SVIL: variants seen among roughly 807,000 people sequenced by gnomAD.
SVIL encodes supervillin.
A neutral mutation model predicts 240.4 loss-of-function variants in SVIL; 101 were observed. That is an observed-to-expected ratio of 0.42 (90% CI 0.36 to 0.50). SVIL has a LOEUF of 0.50. Among genes scored for constraint, SVIL ranks in the 20% least tolerant of loss-of-function variants. The pLI is 0.01. For synonymous variants in SVIL, 999 were observed against 1,100.0 expected (o/e 0.91, Z 1.82); for missense variants, 2,512 against 2,818.7 (o/e 0.89, Z 2.46).
chr10:29,522,633 C>A lies in SVIL; in HGVS notation c.3166G>T (p.Ala1056Ser). 1 of 1,613,614 alleles carries A rather than the reference C, an allele frequency of 6.2e-7. No individual in the cohort carries two copies. Among genetic ancestry groups the A allele is most frequent in the South Asian group, 1.1e-5 (1 of 90,958 alleles). Residue 1056 changes from alanine (A) to serine (S), a missense_variant and splice_region_variant, in exon 16 of 38, where the codon GCA becomes TCA. By Grantham distance (99) the Ala-to-Ser change is moderately conservative (BLOSUM62 1). Coordinates refer to ENST00000355867, the MANE Select transcript of SVIL (RefSeq NM_021738.3). ...TCGGAAGTGGGCTCCCCGAACTCTGCCGCTGGGAAGGAAAAGAGCAACATC... is the reference window on the plus strand; with the variant it reads ...TCGGAAGTGGGCTCCCCGAACTCTGACGCTGGGAAGGAAAAGAGCAACATC... ...VMKRKFSLRA[A>S]EFGEPTSEQT...
chr10:29,585,819 G>A (rs537826972), intron 1 of SVIL, among the ~76,000 whole-genome samples: 3 of 152,358 alleles, frequency 2.0e-5, no homozygotes, highest in Admixed American at 6.5e-5. Flanking sequence ...CGCGGTTCGC[G>A]TCTGTCTTCC....
At chr10:29,532,238 A>T in intron 8 of SVIL, 66 bp from the exon 9 acceptor site, 1 of 1,559,370 alleles carries the variant, frequency 6.4e-7, no homozygotes, top group South Asian at 1.2e-5. Flanking sequence ...GAAGATGGCA[A>T]AGGATTATGC....
chr10:29,708,275 A>T (rs1963043891), intron 1 of SVIL, among the ~76,000 whole-genome samples: 1 of 150,456 alleles, frequency 6.6e-6, no homozygotes, highest in South Asian at 2.1e-4. Context: ...AAAAAAAAAA[A>T]AAAAATGTAC....
At chr10:29,604,731 A>G (rs1379047152) in intron 1 of SVIL, among the ~76,000 whole-genome samples, 2 of 151,378 alleles carry the variant, frequency 1.3e-5, no homozygotes, top group Non-Finnish European at 2.9e-5. Flanking sequence ...TGCCCAGCTA[A>G]TCTTTTAAAA....
intron 2 of SVIL, among the ~76,000 whole-genome samples, chr10:29,685,304 C>G (rs775936870): frequency 4.6e-5 from 7 of 152,194 alleles, no homozygotes; most frequent in Admixed American, 1.3e-4. Context: ...ACCACATGTT[C>G]TTTATCTAGT....
chr10:29,542,053 G>A (rs978299561), intron 6 of SVIL, among the ~76,000 whole-genome samples: 2 of 152,142 alleles, frequency 1.3e-5, no homozygotes, highest in Non-Finnish European at 2.9e-5. Flanking sequence ...TAACAACATC[G>A]CTAAGCCTGC....
At chr10:29,537,320 T>C (rs918940204) in intron 6 of SVIL, among the ~76,000 whole-genome samples, 7 of 152,284 alleles carry the variant, frequency 4.6e-5, no homozygotes, top group Admixed American at 6.5e-5. Context: ...TAAATCAACA[T>C]AGCCATTAAA....
rs759067589 is a variant in SVIL, at chr10:29,495,115, G to A, written c.3731C>T (p.Thr1244Ile). The change falls in exon 19 of 38, where the codon ACA (threonine) becomes ATA (isoleucine). Residue 1244 changes from threonine to isoleucine, a missense_variant. Transcript: ENST00000355867. ...ACCTTCCAGGGGTTTGGAAACGGGT[G>A]TGGTGCCTCTTGTTTTACCGCAAAT... ...SPICGKTRGTTPVSKPLEDIE... is the reference protein window; with the variant it reads ...SPICGKTRGTIPVSKPLEDIE... 3.3e-5 allele frequency: 52 copies of A among 1,598,092 alleles called. 1 individual carries two copies. The Admixed American group carries it at 5.7e-4, about 18-fold the overall frequency.
At chr10:29,712,021 T>C (rs1369560519) in intron 1 of SVIL, 1 of 151,784 alleles carries the variant, frequency 6.6e-6, no homozygotes, top group African/African-American at 2.4e-5. Context: ...TATATTTTAA[T>C]AAAAATATAA....
chr10:29,627,141 A>G (rs769311494), intron 1 of SVIL, among the ~76,000 whole-genome samples: 2 of 152,224 alleles, frequency 1.3e-5, no homozygotes, highest in Non-Finnish European at 2.9e-5. Flanking sequence ...TTCAACAGAA[A>G]CAAGCAAGGA....
intron 2 of SVIL, among the ~76,000 whole-genome samples, chr10:29,563,744 A>C (rs989162501): frequency 3.9e-5 from 6 of 152,212 alleles, no homozygotes; most frequent in African/African-American, 1.4e-4. Flanking sequence ...CCTTCAAACA[A>C]CCAAGGCATC....
intron 6 of SVIL, among the ~76,000 whole-genome samples, chr10:29,541,901 G>A (rs532729776): frequency 3.3e-5 from 5 of 152,144 alleles, no homozygotes; most frequent in Non-Finnish European, 5.9e-5. Flanking sequence ...TGAGCAGCCT[G>A]ACTCAAGACC....
chr10:29,509,554 A>C (rs907412639), intron 17 of SVIL, among the ~76,000 whole-genome samples: 5 of 152,128 alleles, frequency 3.3e-5, no homozygotes, highest in African/African-American at 1.2e-4. Flanking sequence ...TTAGTATAGA[A>C]ATGAAAACTC....
chr10:29,675,880 T>C (rs1836215053), intron 2 of SVIL, among the ~76,000 whole-genome samples: 3 of 152,212 alleles, frequency 2.0e-5, no homozygotes, highest in South Asian at 2.1e-4. Context: ...AAATTGACCC[T>C]TCCCAGTCTT....
At chr10:29,609,666 C>T (rs749890841) in intron 1 of SVIL, among the ~76,000 whole-genome samples, 3 of 152,234 alleles carry the variant, frequency 2.0e-5, no homozygotes, top group Non-Finnish European at 2.9e-5. Flanking sequence ...CTCATCCAGA[C>T]GCTGGTGCCC....
intron 22 of SVIL, among the ~76,000 whole-genome samples, chr10:29,490,568 AT>A (rs1289166823): frequency 1.4e-5 from 2 of 142,550 alleles, no homozygotes; most frequent in Non-Finnish European, 3.0e-5. Flanking sequence ...GGGCAATATG[AT>A]GAAACCCCCA....
At chr10:29,597,949 C>T (rs1956662258) in intron 1 of SVIL, among the ~76,000 whole-genome samples, 1 of 152,010 alleles carries the variant, frequency 6.6e-6, no homozygotes, top group Non-Finnish European at 1.5e-5. Flanking sequence ...GCTTTGTGCC[C>T]TTATGTTTCT....
rs552575460 is a variant in SVIL at position 29,523,695 on chromosome 10, T to C, written c.2919A>G (p.Glu973=). 1 of 1,614,196 alleles carries C rather than the reference T, an allele frequency of 6.2e-7. No homozygotes were observed. Among genetic ancestry groups the C allele is most frequent in the Non-Finnish European group, 8.5e-7 (1 of 1,180,018 alleles). Residue 973 remains glutamate (E), a synonymous_variant, in exon 15 of 38, where the codon GAA becomes GAG. Transcript: ENST00000355867. ...CTCGGTTCAGGATGGGGTAGGATGC[T>C]TCTGCTTCCTCAAAGGACCCATACT... The part of the protein sequence containing the change: ...MEKYGSFEEA[E]ASYPILNRAR...
intron 17 of SVIL, among the ~76,000 whole-genome samples, chr10:29,506,609 C>A (rs1305624275): frequency 6.8e-6 from 1 of 147,886 alleles, no homozygotes; most frequent in African/African-American, 2.6e-5. Flanking sequence ...GGAGACAAGG[C>A]CCTAGAGGGA....
Sources: allele counts gnomAD v4.1 joint callset (sites outside exome capture counted in the v4.1 genomes callset), GRCh38; gene constraint gnomAD v4.1.1; transcripts MANE v1.5; gene names NCBI Gene and HGNC (gene_info 2026-07-23, HGNC 2026-07-21).